DHRSX: variants seen among roughly 807,000 people sequenced by gnomAD.
DHRSX encodes the protein polyprenol dehydrogenase.
A neutral mutation model predicts 34.0 loss-of-function variants in DHRSX; 31 were observed. The observed-to-expected ratio is 0.91, with a 90% CI of 0.69 to 1.23. DHRSX has a LOEUF of 1.23. Among genes scored for constraint, DHRSX ranks in the 50% most tolerant of loss-of-function variants. The pLI, the probability that DHRSX is intolerant of heterozygous loss-of-function variation, is 0.00. For synonymous variants in DHRSX, 201 were observed against 183.8 expected (o/e 1.09, Z -0.76); for missense variants, 414 against 428.1 (o/e 0.97, Z 0.29).
chrX:2,223,238 AATGAAT>A lies in DHRSX; in HGVS notation c.805-2015_805-2010del, dbSNP rs200527479. Reference sequence around the variant, plus strand: ...ATCTTTCTCGTGCTGTTCTCATGATAATGAATAAGTCCCATGACATCTGATGGTTTT... The same window carrying A: ...ATCTTTCTCGTGCTGTTCTCATGATAAAGTCCCATGACATCTGATGGTTTT... On this transcript the variant is annotated intron_variant, in intron 6 of 6. Coordinates refer to ENST00000334651, the MANE Select transcript of DHRSX (RefSeq NM_145177.3). Among the ~76,000 whole-genome samples, 75 of 152,256 alleles carry A rather than the reference AATGAAT, an allele frequency of 4.9e-4. 4 individuals carry two copies. In the East Asian group the frequency reaches 0.015, roughly 29 times the overall value.
At chrX:2,274,678 G>A (rs1161728519) in intron 4 of DHRSX, among the ~76,000 whole-genome samples, 4 of 149,736 alleles carry the variant, frequency 2.7e-5, no homozygotes, top group South Asian at 2.1e-4. Flanking sequence ...TGATCTGCCC[G>A]CCTCAGCCTC....
At chrX:2,340,128 G>A (rs751168285) in intron 3 of DHRSX, among the ~76,000 whole-genome samples, 1 of 151,556 alleles carries the variant, frequency 6.6e-6, no homozygotes, top group East Asian at 1.9e-4. Flanking sequence ...TCATAAGTGG[G>A]AGCTGAACAA....
chrX:2,282,483 CAG>C (rs1292188051), intron 4 of DHRSX, among the ~76,000 whole-genome samples: 4 of 138,188 alleles, frequency 2.9e-5, no homozygotes, highest in Non-Finnish European at 6.4e-5. Flanking sequence ...AAGTGGGACA[CAG>C]AGGAAGACAA....
At chrX:2,409,478 A>G (rs1455952308) in intron 2 of DHRSX, among the ~76,000 whole-genome samples, 2 of 151,968 alleles carry the variant, frequency 1.3e-5, no homozygotes, top group African/African-American at 4.8e-5. Context: ...CCCTGTGTCC[A>G]TGCGTTCTCA....
intron 3 of DHRSX, among the ~76,000 whole-genome samples, chrX:2,340,195 G>C (rs1022618040): frequency 5.3e-5 from 8 of 151,926 alleles, no homozygotes; most frequent in African/African-American, 1.4e-4. Context: ...GTCGAGGGGT[G>C]GGGGGCTAGG....
At chrX:2,468,455 C>T (rs923711461) in intron 1 of DHRSX, among the ~76,000 whole-genome samples, 3 of 135,340 alleles carry the variant, frequency 2.2e-5, no homozygotes, top group South Asian at 5.4e-4. Flanking sequence ...AATGAAGAAA[C>T]AAAAGCAGTT....
At chrX:2,482,707 A>G (rs974727703) in intron 1 of DHRSX, among the ~76,000 whole-genome samples, 1 of 152,232 alleles carries the variant, frequency 6.6e-6, no homozygotes, top group Non-Finnish European at 1.5e-5. Context: ...AAGCAATTTA[A>G]ATTCTAGAAA....
chrX:2,431,177 T>C (rs2043916062), intron 1 of DHRSX, among the ~76,000 whole-genome samples: 1 of 151,802 alleles, frequency 6.6e-6, no homozygotes, highest in Non-Finnish European at 1.5e-5. Flanking sequence ...TACAAAAAAT[T>C]AGCCTGGCGT....
chrX:2,266,740 C>G lies in DHRSX; in HGVS notation c.596G>C (p.Ser199Thr), dbSNP rs749240289. 1.9e-6 allele frequency: 3 copies of G among 1,613,910 alleles called. No homozygotes were observed. In the South Asian group the frequency reaches 3.3e-5, roughly 18 times the overall value. Reference sequence around the variant, plus strand: ...ATGATTATTCACAGGGTGCACCTACCTGCTCTGAAGGTCATCCATGTTCAG... The same window carrying G: ...ATGATTATTCACAGGGTGCACCTACGTGCTCTGAAGGTCATCCATGTTCAG... The part of the protein sequence containing the change: ...AELNMDDLQS[S>T]ACYSPHAAYA... Residue 199 changes from serine to threonine, a missense_variant and splice_region_variant, in exon 5 of 7, where the codon AGT (serine) becomes ACT (threonine). Ser to Thr is a moderately conservative substitution (Grantham distance 58, BLOSUM62 1). Transcript: ENST00000334651.
intron 1 of DHRSX, among the ~76,000 whole-genome samples, chrX:2,450,462 CA>C (rs931352100): frequency 4.0e-5 from 6 of 149,784 alleles, no homozygotes; most frequent in African/African-American, 1.2e-4. Flanking sequence ...AACTCTGTCT[CA>C]AAAAAAAAGA....
chrX:2,335,376 G>A (rs1279828227), intron 3 of DHRSX, among the ~76,000 whole-genome samples: 1 of 151,880 alleles, frequency 6.6e-6, no homozygotes, highest in Non-Finnish European at 1.5e-5. Flanking sequence ...ACACGGGGAC[G>A]ACTCGAAGTG....
intron 3 of DHRSX, among the ~76,000 whole-genome samples, chrX:2,369,099 G>A (rs1018997648): frequency 2.6e-5 from 4 of 152,182 alleles, no homozygotes; most frequent in Non-Finnish European, 2.9e-5. Context: ...TCACTGAGGA[G>A]CCTTCGTGAC....
chrX:2,266,656 G>C, intron 5 of DHRSX, 84 bp downstream of exon 5: 1 of 1,346,622 alleles, frequency 7.4e-7, no homozygotes, highest in Non-Finnish European at 1.1e-6. Context: ...GATGCAGGGA[G>C]CGCCACACCG....
At chrX:2,403,764 G>C (rs1439249444) in intron 3 of DHRSX, among the ~76,000 whole-genome samples, 2 of 151,546 alleles carry the variant, frequency 1.3e-5, no homozygotes, top group African/African-American at 4.9e-5. Context: ...GCTGAGGCAG[G>C]AGAATCGCTT....
intron 3 of DHRSX, among the ~76,000 whole-genome samples, chrX:2,377,560 T>C (rs771508000): frequency 1.8e-4 from 28 of 152,062 alleles, no homozygotes; most frequent in Admixed American, 2.0e-4. Flanking sequence ...TCAGTACCAG[T>C]CCACAGCCAG....
chrX:2,327,183 C>T (rs2042397784), intron 3 of DHRSX, among the ~76,000 whole-genome samples: 1 of 152,198 alleles, frequency 6.6e-6, no homozygotes, highest in Non-Finnish European at 1.5e-5. Flanking sequence ...ATGTACTCAG[C>T]CATTCCATCA....
chrX:2,422,941 C>T (rs777607083), intron 2 of DHRSX, among the ~76,000 whole-genome samples: 32 of 151,962 alleles, frequency 2.1e-4, no homozygotes, highest in African/African-American at 6.7e-4. Context: ...CCCACCACCA[C>T]GCAGGCACTC....
chrX:2,252,375 G>A (rs73628256), intron 5 of DHRSX, among the ~76,000 whole-genome samples: 4,008 of 152,192 alleles, frequency 0.026, 197 homozygotes, highest in African/African-American at 0.091. Context: ...TCTTTTTAAG[G>A]CAAACTTCTC....
intron 1 of DHRSX, chrX:2,490,365 C>T (rs1429044374): frequency 5.6e-6 from 9 of 1,613,508 alleles, no homozygotes; most frequent in Non-Finnish European, 7.6e-6. Context: ...TTCTTGCTGT[C>T]GTAGCCGTGG....
Sources: allele counts gnomAD v4.1 joint callset (sites outside exome capture counted in the v4.1 genomes callset), GRCh38; gene constraint gnomAD v4.1.1; transcripts MANE v1.5; gene names NCBI Gene and HGNC (gene_info 2026-07-23, HGNC 2026-07-21).